Variants in PCDHA11 observed in about 807,000 individuals in gnomAD.
PCDHA11 encodes protocadherin alpha-11.
A neutral mutation model predicts 70.3 loss-of-function variants in PCDHA11; 61 were observed. That is an observed-to-expected ratio of 0.87 (90% CI 0.71 to 1.07). The LOEUF (loss-of-function observed/expected upper bound fraction) is 1.07. Among genes scored for constraint, PCDHA11 ranks in the 50% least tolerant of loss-of-function variants. PCDHA11 has a pLI of 0.00. For synonymous variants in PCDHA11, 633 were observed against 555.1 expected (o/e 1.14, Z -1.97); for missense variants, 1,324 against 1,237.5 (o/e 1.07, Z -1.05).
intron 1 of PCDHA11, chr5:140,882,756 G>T: frequency 6.2e-7 from 1 of 1,614,238 alleles, no homozygotes; most frequent in Non-Finnish European, 8.5e-7. Flanking sequence ...GCAGATATTG[G>T]AGTAAACTCG....
intron 1 of PCDHA11, chr5:140,884,288 C>T: frequency 6.2e-7 from 1 of 1,613,630 alleles, no homozygotes; most frequent in Non-Finnish European, 8.5e-7. Flanking sequence ...GGAGAGCGGC[C>T]AAGCGCCACA....
At chr5:140,922,866 GA>G (rs557650266) in intron 1 of PCDHA11, among the ~76,000 whole-genome samples, 2 of 152,096 alleles carry the variant, frequency 1.3e-5, no homozygotes, top group Non-Finnish European at 2.9e-5. Flanking sequence ...TAGACAAGGG[GA>G]AAAAATCCAA....
Position 140,928,935 on chromosome 5 carries a change from C to G in PCDHA11, c.2392-50014C>G, listed in dbSNP as rs782430427. On this transcript the variant is annotated intron_variant, in intron 1 of 3. Transcript: ENST00000398640. ...CAGGAGGGCAGCTTTCTGCCCAGAA[C>G]TTGTATTTAGTAATTGCCTTGGCTT... The G allele has an allele frequency of 2.5e-6, 4 of 1,613,984 alleles. No individual in the cohort carries two copies. The East Asian group carries it at 8.9e-5, about 36-fold the overall frequency.
At position 141,010,163 on chromosome 5, in the gene PCDHA11, C is replaced by T; in HGVS notation, c.*226C>T. Reference sequence around the variant, plus strand: ...CTTTCTCTCCACTCTGGCTTGTTTTCAGAACCTAAAAAGCAGACCCAAGTT... The same window carrying T: ...CTTTCTCTCCACTCTGGCTTGTTTTTAGAACCTAAAAAGCAGACCCAAGTT... On this transcript the variant is annotated 3_prime_UTR_variant, in exon 4 of 4. Transcript: ENST00000398640. 1 of 1,565,826 alleles carries T rather than the reference C, an allele frequency of 6.4e-7. No homozygotes were observed. The highest frequency in any genetic ancestry group is 8.7e-7 in the Non-Finnish European group (1 of 1,154,220).
chr5:141,002,675 A>G (rs782045638), intron 3 of PCDHA11, among the ~76,000 whole-genome samples: 5 of 152,222 alleles, frequency 3.3e-5, no homozygotes, highest in African/African-American at 4.8e-5. Context: ...ACCAAAACCT[A>G]TACGACGTGC....
intron 3 of PCDHA11, among the ~76,000 whole-genome samples, chr5:140,984,079 G>A (rs1554245959): frequency 2.0e-5 from 3 of 152,244 alleles, no homozygotes; most frequent in Admixed American, 2.0e-4. Context: ...CAACGATGGA[G>A]TGAAGAAATG....
chr5:140,928,974 A>G (rs772759035), intron 1 of PCDHA11: 2 of 1,613,574 alleles, frequency 1.2e-6, no homozygotes, highest in Non-Finnish European at 1.7e-6. Flanking sequence ...TTTCCTTTTT[A>G]TTTCTGGGGT....
chr5:140,969,261 T>G (rs2153777840), intron 1 of PCDHA11: 1 of 1,614,180 alleles, frequency 6.2e-7, no homozygotes, highest in South Asian at 1.1e-5. Flanking sequence ...AGCAGGAATC[T>G]CACAGGCCAA....
intron 1 of PCDHA11, among the ~76,000 whole-genome samples, chr5:140,931,548 G>C (rs2087590460): frequency 6.6e-6 from 1 of 151,968 alleles, no homozygotes; most frequent in African/African-American, 2.4e-5. Flanking sequence ...CTGTTCATAT[G>C]TGCAGGAATA....
At chr5:140,880,764 G>T (rs1438457004) in intron 1 of PCDHA11, among the ~76,000 whole-genome samples, 1 of 152,198 alleles carries the variant, frequency 6.6e-6, no homozygotes, top group Non-Finnish European at 1.5e-5. Context: ...GCGTGTTGGA[G>T]GCTAAAAAGA....
At chr5:140,939,011 CT>C (rs1302482579) in intron 1 of PCDHA11, among the ~76,000 whole-genome samples, 3 of 152,262 alleles carry the variant, frequency 2.0e-5, no homozygotes, top group South Asian at 2.1e-4. Flanking sequence ...AGAAGTGTTA[CT>C]TTTCTTTTAC....
At chr5:140,926,949 G>A in intron 1 of PCDHA11, 3 of 1,592,316 alleles carry the variant, frequency 1.9e-6, no homozygotes, top group Non-Finnish European at 2.6e-6. Context: ...GCGCTGCAGC[G>A]GGACAGCTCG....
Position 141,009,659 on chromosome 5 carries a change from G to A in PCDHA11, c.2572G>A (p.Gly858Ser), listed in dbSNP as rs781996586. 3.0e-5 allele frequency: 48 copies of A among 1,613,808 alleles called. No individual in the cohort carries two copies. Among genetic ancestry groups the A allele is most frequent in the East Asian group, 4.5e-5 (2 of 44,878 alleles). The change falls in exon 4 of 4, where the codon GGT becomes AGT. Residue 858 changes from glycine (G) to serine (S), a missense_variant. Coordinates refer to ENST00000398640, the MANE Select transcript of PCDHA11 (RefSeq NM_018902.5). ...GGCAGGAGAAGTGTCCCCTCCAGTC[G>A]GTGCGGGTGTCAACAGCAACAGCTG... is the stretch of plus-strand genomic sequence containing the variant. ...PEAGEVSPPV[G>S]AGVNSNSWTF...
At position 140,871,619 on chromosome 5, in the gene PCDHA11, A is replaced by G. The variant is rs1214249274; in HGVS notation, c.2391+125A>G. ...ACCAGTGTTTTGAATATTGTTTTAG[A>G]TAACAATGTCTGTTCATAAAATACC... On this transcript the variant is annotated intron_variant, in intron 1 of 3. Coordinates refer to ENST00000398640, the MANE Select transcript of PCDHA11 (RefSeq NM_018902.5). 17 of 1,415,418 alleles carry G rather than the reference A, an allele frequency of 1.2e-5. No individual in the cohort carries two copies. In the Admixed American group the frequency reaches 3.9e-4, roughly 33 times the overall value. The allele number at this position is 1,415,418 out of a possible 1,614,324, so 87.7% of individuals were successfully genotyped here.
At position 140,876,440 on chromosome 5, in the gene PCDHA11, T is replaced by C. The variant is rs369023443; in HGVS notation, c.2391+4946T>C. 23 of 1,613,876 alleles carry C rather than the reference T, an allele frequency of 1.4e-5. No individual in the cohort carries two copies. In the Admixed American group the frequency reaches 1.5e-4, roughly 11 times the overall value. On this transcript the variant is annotated intron_variant, in intron 1 of 3. Transcript: ENST00000398640. ...GCCTATGAAATTCAGGTTAACGCCA[T>C]TGATAAAGGGATTCCTTCCATGGCA...
intron 1 of PCDHA11, among the ~76,000 whole-genome samples, chr5:140,887,179 C>A (rs984497356): frequency 6.6e-6 from 1 of 151,850 alleles, no homozygotes; most frequent in Non-Finnish European, 1.5e-5. Context: ...TCACTGCAAG[C>A]TCCACCTCCC....
Position 140,884,013 on chromosome 5 carries a change from C to T in PCDHA11, c.2391+12519C>T, listed in dbSNP as rs148971741. The T allele has an allele frequency of 5.1e-5, 82 of 1,613,132 alleles. No homozygotes were observed. The African/African-American group carries it at 9.2e-4, about 18-fold the overall frequency. On this transcript the variant is annotated intron_variant, in intron 1 of 3. Transcript: ENST00000398640. ...GGAGGCACAGTGAGCGAGCTGATGC[C>T]GCGGTCGGTGGGTGCAGGCCACGTG...
intron 1 of PCDHA11, among the ~76,000 whole-genome samples, chr5:140,923,970 C>T (rs2081601306): frequency 2.6e-5 from 4 of 152,220 alleles, no homozygotes; most frequent in Admixed American, 2.6e-4. Flanking sequence ...TATACCCACA[C>T]ATACTATCCC....
chr5:140,962,796 A>T (rs1248367259), intron 1 of PCDHA11, among the ~76,000 whole-genome samples: 1 of 152,222 alleles, frequency 6.6e-6, no homozygotes, highest in Non-Finnish European at 1.5e-5. Flanking sequence ...ACTACTTTGG[A>T]CAACTCTAAA....
Sources: gnomAD v4.1 joint callset for allele counts (sites outside exome capture counted in the v4.1 genomes callset) on GRCh38, gnomAD v4.1.1 for gene constraint, MANE v1.5 for transcripts, NCBI Gene and HGNC (gene_info 2026-07-23, HGNC 2026-07-21) for gene names.